Variants in LINGO2 observed in about 807,000 individuals in gnomAD.
LINGO2 encodes the protein leucine rich repeat and Ig domain containing 2, also known as leucine-rich repeat and immunoglobulin-like domain-containing nogo receptor-interacting protein 2.
A neutral mutation model predicts 30.6 loss-of-function variants in LINGO2; 14 were observed. The observed-to-expected ratio is 0.46, with a 90% CI of 0.30 to 0.72. The LOEUF (loss-of-function observed/expected upper bound fraction) is 0.72, where lower values mean the gene tolerates loss of function less well. Ranked by LOEUF, LINGO2 falls within the 30% of genes least tolerant of loss-of-function variation. The probability of loss-of-function intolerance (pLI) is 0.07; values close to 1 mark genes in which losing one functional copy is unlikely to be tolerated. For missense variants in LINGO2, 729 were observed against 751.7 expected (o/e 0.97, Z 0.35); for synonymous variants, 317 against 288.5 (o/e 1.10, Z -1.00).
At chr9:28,416,208 A>G (rs1822961884) in intron 2 of LINGO2, among the ~76,000 whole-genome samples, 2 of 152,160 alleles carry the variant, frequency 1.3e-5, no homozygotes, top group Admixed American at 1.3e-4. Context: ...CCAGAAAATT[A>G]TACTCTTTTC....
intron 1 of LINGO2, among the ~76,000 whole-genome samples, chr9:28,667,771 C>T (rs1563903907): frequency 6.6e-6 from 1 of 152,064 alleles, no homozygotes; most frequent in East Asian, 1.9e-4. Context: ...AAACAAAACA[C>T]AAAAACTTTC....
chr9:28,970,228 C>G, the LINGO2 span, among the ~76,000 whole-genome samples: 1 of 152,086 alleles, frequency 6.6e-6, no homozygotes, highest in African/African-American at 2.4e-5. Context: ...AGACATGCTA[C>G]TGAAGGGCCT....
chr9:28,546,313 T>C (rs547623923), intron 1 of LINGO2, among the ~76,000 whole-genome samples: 2 of 152,218 alleles, frequency 1.3e-5, no homozygotes, highest in Non-Finnish European at 2.9e-5. Context: ...TAAAAAAATA[T>C]TTAATCAGTT....
chr9:29,016,833 T>C, the LINGO2 span, among the ~76,000 whole-genome samples: 1 of 152,188 alleles, frequency 6.6e-6, no homozygotes, highest in African/African-American at 2.4e-5. Flanking sequence ...CTCAACGATT[T>C]ACCCCTTCTA....
chr9:28,272,244 C>T (rs1459489648), intron 4 of LINGO2, among the ~76,000 whole-genome samples: 2 of 152,132 alleles, frequency 1.3e-5, no homozygotes, highest in Non-Finnish European at 2.9e-5. Flanking sequence ...ACAGGGAGAA[C>T]AGATCGTGTT....
intron 4 of LINGO2, among the ~76,000 whole-genome samples, chr9:28,096,958 G>A (rs979214563): frequency 1.3e-5 from 2 of 151,456 alleles, no homozygotes; most frequent in Non-Finnish European, 2.9e-5. Flanking sequence ...TGATAAAAAG[G>A]AACTTATTTA....
intron 4 of LINGO2, among the ~76,000 whole-genome samples, chr9:28,048,711 G>A (rs1012969326): frequency 6.0e-5 from 9 of 150,640 alleles, no homozygotes; most frequent in African/African-American, 2.2e-4. Context: ...TAGCATAAAT[G>A]TCCAAGATTA....
upstream of LINGO2, among the ~76,000 whole-genome samples, chr9:28,674,963 A>G (rs116086081): frequency 2.3e-3 from 343 of 152,288 alleles, 1 homozygote; most frequent in African/African-American, 7.9e-3. Context: ...ACGGTCTCTC[A>G]TACATCCAGT....
rs772478959 is a variant in LINGO2, at chr9:27,979,300, A to G, written c.-35-28594T>C. ...CCTTACTTCCATCTTACTGGTCCTC[A>G]GTTACTAATCTCTATCTTTTATTTT... On this transcript the variant is annotated intron_variant, in intron 5 of 5. Transcript: ENST00000379992. Among the ~76,000 whole-genome samples the G allele has an allele frequency of 6.8e-4, 104 of 151,960 alleles. 1 individual carries two copies. The highest frequency in any genetic ancestry group is 5.3e-4 in the Non-Finnish European group (36 of 67,952).
chr9:28,517,233 C>T (rs1207290104), intron 1 of LINGO2, among the ~76,000 whole-genome samples: 5 of 152,116 alleles, frequency 3.3e-5, no homozygotes, highest in African/African-American at 1.2e-4. Context: ...CTTCCCCCTC[C>T]ACCCCCACCA....
the LINGO2 span, among the ~76,000 whole-genome samples, chr9:29,066,760 G>C: frequency 1.3e-5 from 2 of 151,826 alleles, no homozygotes; most frequent in African/African-American, 4.8e-5. Flanking sequence ...ACCAATTTAA[G>C]ACCTAAAATA....
intron 3 of LINGO2, among the ~76,000 whole-genome samples, chr9:28,312,542 AC>A (rs1409299368): frequency 1.3e-5 from 2 of 152,188 alleles, no homozygotes; most frequent in African/African-American, 2.4e-5. Context: ...ATAAATATCA[AC>A]ATGCAGAGAG....
At chr9:28,668,067 T>C (rs964869736) in intron 1 of LINGO2, among the ~76,000 whole-genome samples, 1 of 152,164 alleles carries the variant, frequency 6.6e-6, no homozygotes, top group Non-Finnish European at 1.5e-5. Flanking sequence ...ATCATGGATT[T>C]TTTTTTAATA....
At chr9:28,957,171 C>T in the LINGO2 span, among the ~76,000 whole-genome samples, 2 of 152,088 alleles carry the variant, frequency 1.3e-5, no homozygotes, top group South Asian at 2.1e-4. Flanking sequence ...TCATCAGCAT[C>T]GCACTAAGAC....
intron 1 of LINGO2, among the ~76,000 whole-genome samples, chr9:28,615,377 C>T (rs977891208): frequency 1.2e-4 from 19 of 152,094 alleles, no homozygotes; most frequent in Non-Finnish European, 2.5e-4. Flanking sequence ...GATTTAACCT[C>T]GAAGAATGCT....
chr9:28,299,519 C>A (rs1165552224), intron 3 of LINGO2, among the ~76,000 whole-genome samples: 1 of 152,024 alleles, frequency 6.6e-6, no homozygotes, highest in Non-Finnish European at 1.5e-5. Flanking sequence ...AGGTCATTAA[C>A]AACTACCACT....
intron 2 of LINGO2, among the ~76,000 whole-genome samples, chr9:28,407,484 T>C (rs941785845): frequency 6.6e-6 from 1 of 152,128 alleles, no homozygotes; most frequent in Non-Finnish European, 1.5e-5. Context: ...CGCACATTTC[T>C]CAGCTCACCT....
intron 1 of LINGO2, among the ~76,000 whole-genome samples, chr9:28,615,338 G>A (rs879744093): frequency 2.0e-5 from 3 of 152,184 alleles, no homozygotes; most frequent in South Asian, 2.1e-4. Context: ...GGATATAAAC[G>A]CCTACGCAAG....
intron 4 of LINGO2, among the ~76,000 whole-genome samples, chr9:28,140,830 C>T (rs7853749): frequency 0.07 from 10,584 of 152,040 alleles, 469 homozygotes; most frequent in African/African-American, 0.12. Context: ...TCTCTAATGT[C>T]CTGTACAGGT....
Sources: gnomAD v4.1 joint callset for allele counts (sites outside exome capture counted in the v4.1 genomes callset) on GRCh38, gnomAD v4.1.1 for gene constraint, MANE v1.5 for transcripts, NCBI Gene and HGNC (gene_info 2026-07-23, HGNC 2026-07-21) for gene names.